The following FAM13B variants were observed in gnomAD, a reference collection of about 807,000 sequenced individuals.
FAM13B encodes the protein protein FAM13B.
Under a neutral mutation model 117.3 loss-of-function variants are expected in FAM13B, and 60 were observed. The observed-to-expected ratio is 0.51, with a 90% CI of 0.42 to 0.63. The LOEUF (loss-of-function observed/expected upper bound fraction) is 0.63, where lower values mean the gene tolerates loss of function less well. FAM13B is among the 30% of genes least tolerant of loss of function. The pLI is 0.00. For synonymous variants in FAM13B, 332 were observed against 356.1 expected, an observed-to-expected ratio of 0.93 and a Z score of 0.76; for missense variants, 972 against 1,091.9, an observed-to-expected ratio of 0.89 and a Z score of 1.55.
In FAM13B at chr5:137,961,548, G is replaced by C. The variant is rs757982071; in HGVS notation, c.1244+857C>G. Among the ~76,000 whole-genome samples the C allele has an allele frequency of 5.5e-4, 84 of 152,276 alleles. 1 individual carries two copies. The highest frequency in any genetic ancestry group is 1.1e-3 in the Non-Finnish European group (76 of 68,006). On this transcript the variant is annotated intron_variant, in intron 11 of 23. Coordinates refer to ENST00000689681, the MANE Select transcript of FAM13B (RefSeq NM_001385994.1). The stretch of plus-strand genomic sequence containing the variant: ...GAAATCTGTGGACCTTCAGAGTATG[G>C]GGAGGCTCCAGAGACGTGGCTCCAA...
At chr5:138,024,302 C>T (rs1787579122) in intron 1 of FAM13B, among the ~76,000 whole-genome samples, 1 of 151,996 alleles carries the variant, frequency 6.6e-6, no homozygotes, top group Non-Finnish European at 1.5e-5. Context: ...GGACAAGATA[C>T]ACAGAGACAC....
chr5:138,036,098 T>C (rs1282610501), upstream of FAM13B: 3 of 297,358 alleles, frequency 1.0e-5, no homozygotes, highest in African/African-American at 6.5e-5. Flanking sequence ...GACCCTTTAT[T>C]GTGGGACAAG....
chr5:137,944,763 CAA>C (rs56204519), intron 20 of FAM13B, among the ~76,000 whole-genome samples: 106,508 of 147,666 alleles, frequency 0.72, 38,630 homozygotes, highest in East Asian at 0.96. Context: ...ATCTCAAAAA[CAA>C]AAAAAAAAAA....
chr5:138,049,069 C>T lies in FAM13B; in HGVS notation c.-203+2809G>A, dbSNP rs183856872. On this transcript the variant is annotated intron_variant, in intron 1 of 3. Transcript: ENST00000502471. ...TGATTCTCGTGCCTCAGCCACCCGA[C>T]TAGCTGGAGTTACAGGCGTGCGCCA... is the stretch of plus-strand genomic sequence containing the variant. Among the ~76,000 whole-genome samples, 9 of 151,518 alleles carry T rather than the reference C, an allele frequency of 5.9e-5. No homozygotes were observed. In the East Asian group the frequency reaches 1.8e-3, roughly 30 times the overall value.
At chr5:137,967,561 C>A (rs949419170) in intron 10 of FAM13B, among the ~76,000 whole-genome samples, 1 of 151,870 alleles carries the variant, frequency 6.6e-6, no homozygotes, top group African/African-American at 2.4e-5. Flanking sequence ...AAAATACCAT[C>A]AACCCAACAG....
rs566330662 is a variant in FAM13B at position 138,008,402 on chromosome 5, A to G, written c.691-1255T>C. Among the ~76,000 whole-genome samples the G allele has an allele frequency of 3.9e-5, 6 of 152,310 alleles. No individual in the cohort carries two copies. The East Asian group carries it at 1.2e-3, about 29-fold the overall frequency. ...GGCTGCAGAGAGACGCGATTGTGACACTGCACTCCAACTTGGGTGACAGAG... is the reference window on the plus strand; with the variant it reads ...GGCTGCAGAGAGACGCGATTGTGACGCTGCACTCCAACTTGGGTGACAGAG... On this transcript the variant is annotated intron_variant, in intron 6 of 23. Transcript: ENST00000689681.
intron 1 of FAM13B, among the ~76,000 whole-genome samples, chr5:138,049,553 G>A (rs577936177): frequency 8.9e-4 from 135 of 152,190 alleles, no homozygotes; most frequent in Middle Eastern, 3.4e-3. Context: ...GATGACAGGC[G>A]TGAGCCACCG....
rs192537569 is a variant in FAM13B, at chr5:137,994,631, G to A, written c.849-6316C>T. Among the ~76,000 whole-genome samples, 21 of 152,286 alleles carry A rather than the reference G, an allele frequency of 1.4e-4. No individual in the cohort carries two copies. In the East Asian group the frequency reaches 1.5e-3, roughly 11 times the overall value. ...AGGTACTATAGGCAGATGCCATAAAGACCACATAAAAATGCTAATTGTATT... is the reference window on the plus strand; with the variant it reads ...AGGTACTATAGGCAGATGCCATAAAAACCACATAAAAATGCTAATTGTATT... On this transcript the variant is annotated intron_variant, in intron 7 of 23. Transcript: ENST00000689681.
intron 1 of FAM13B, among the ~76,000 whole-genome samples, chr5:138,028,557 TCCC>T (rs1238412692): frequency 4.6e-5 from 7 of 152,154 alleles, no homozygotes; most frequent in Non-Finnish European, 8.8e-5. Context: ...TTGTATATCT[TCCC>T]CACTAGATTG....
intron 2 of FAM13B, among the ~76,000 whole-genome samples, chr5:138,020,541 T>C (rs550116900): frequency 6.6e-6 from 1 of 152,226 alleles, no homozygotes; most frequent in East Asian, 1.9e-4. Flanking sequence ...CTAAGAAAAA[T>C]TTATTTTCTA....
Position 138,018,402 on chromosome 5 carries a change from A to G in FAM13B, c.270T>C (p.Asp90=), listed in dbSNP as rs1270148235. The G allele has an allele frequency of 4.3e-6, 7 of 1,613,978 alleles. No homozygotes were observed. The highest frequency in any genetic ancestry group is 5.1e-6 in the Non-Finnish European group (6 of 1,179,946). ...GEEVDLVKEA[D]VPSAISLLRF... The stretch of plus-strand genomic sequence containing the variant: ...TAAGAAGGCTAATAGCTGAGGGAAC[A>G]TCTGCTTCCTTAACCAAATCCACCT... Residue 90 remains aspartate, a synonymous_variant, in exon 4 of 24, where the codon GAT becomes GAC. Transcript: ENST00000689681.
intron 10 of FAM13B, among the ~76,000 whole-genome samples, chr5:137,972,056 C>T (rs1416275227): frequency 1.3e-5 from 2 of 149,990 alleles, no homozygotes; most frequent in Admixed American, 1.3e-4. Flanking sequence ...GGTACCATTC[C>T]TTCTGAAACT....
chr5:137,985,648 T>C (rs1777010170), intron 9 of FAM13B, among the ~76,000 whole-genome samples: 1 of 152,190 alleles, frequency 6.6e-6, no homozygotes, highest in Non-Finnish European at 1.5e-5. Flanking sequence ...TTTAAAATAA[T>C]TTATGGGCCG....
intron 17 of FAM13B, among the ~76,000 whole-genome samples, chr5:137,952,031 A>C (rs902986432): frequency 6.6e-6 from 1 of 152,170 alleles, no homozygotes; most frequent in Non-Finnish European, 1.5e-5. Flanking sequence ...AATTTAAACC[A>C]AAGTGATGCT....
At chr5:138,037,911 T>G (rs1470022997), upstream of FAM13B, among the ~76,000 whole-genome samples, 1 of 152,258 alleles carries the variant, frequency 6.6e-6, no homozygotes, top group East Asian at 1.9e-4. Flanking sequence ...TTACTAGCCT[T>G]TTGACTCTGG....
chr5:137,988,209 C>A, intron 8 of FAM13B, 65 bp downstream of exon 8: 1 of 1,245,050 alleles, frequency 8.0e-7, no homozygotes, highest in South Asian at 1.4e-5. Context: ...ACATTATTTT[C>A]ATTTCTACAG....
At chr5:137,946,359 A>C in intron 18 of FAM13B, 48 bp from the exon 19 acceptor site, 1 of 1,271,528 alleles carries the variant, frequency 7.9e-7, no homozygotes, top group Non-Finnish European at 1.1e-6. Flanking sequence ...AAAAAAACAA[A>C]AACAAAAAAA....
chr5:137,943,072 C>G lies in FAM13B; in HGVS notation c.2425-34G>C, dbSNP rs974384408. ...ATATCCAAACAGAGAATCAAACATG[C>G]CTTGTCTTTGAACTCTTCCCTTAGG... On this transcript the variant is annotated intron_variant, in intron 21 of 23. Coordinates refer to ENST00000689681, the MANE Select transcript of FAM13B (RefSeq NM_001385994.1). 5 of 1,612,526 alleles carry G rather than the reference C, an allele frequency of 3.1e-6. No homozygotes were observed. In the African/African-American group the frequency reaches 6.7e-5, roughly 22 times the overall value.
chr5:138,000,748 T>G (rs1374072682), intron 7 of FAM13B, among the ~76,000 whole-genome samples: 1 of 151,950 alleles, frequency 6.6e-6, no homozygotes, highest in Admixed American at 6.6e-5. Context: ...CTGGCCAACA[T>G]GGTGAAACCC....
Sources: allele counts gnomAD v4.1 joint callset (sites outside exome capture counted in the v4.1 genomes callset), GRCh38; gene constraint gnomAD v4.1.1; transcripts MANE v1.5; gene names NCBI Gene and HGNC (gene_info 2026-07-23, HGNC 2026-07-21).